The following LRRC4C variants were observed in gnomAD, a reference collection of about 807,000 sequenced individuals.
The protein encoded by LRRC4C is leucine rich repeat containing 4C, also known as leucine-rich repeat-containing protein 4C.
Under a neutral mutation model 33.6 loss-of-function variants are expected in LRRC4C, and 5 were observed. That is an observed-to-expected ratio of 0.15 (90% confidence interval 0.08 to 0.31). LRRC4C has a LOEUF of 0.31. Among genes scored for constraint, LRRC4C ranks in the 10% least tolerant of loss-of-function variants. The probability of loss-of-function intolerance (pLI) is 1.00; values close to 1 mark genes in which losing one functional copy is unlikely to be tolerated. For missense variants in LRRC4C, 560 were observed against 796.7 expected (o/e 0.70, Z 3.58); for synonymous variants, 329 against 302.0 (o/e 1.09, Z -0.93).
intron 1 of LRRC4C, among the ~76,000 whole-genome samples, chr11:41,368,451 A>G (rs1212640430): frequency 6.6e-6 from 1 of 152,242 alleles, no homozygotes; most frequent in Non-Finnish European, 1.5e-5. Context: ...TTACCAAGAG[A>G]CAAGAGATCA....
intron 2 of LRRC4C, among the ~76,000 whole-genome samples, chr11:40,674,227 G>C (rs1233427417): frequency 1.3e-5 from 2 of 150,766 alleles, no homozygotes; most frequent in African/African-American, 5.0e-5. Context: ...TGTGAGACTA[G>C]ACTAAATGTC....
chr11:41,443,089 ATTTTTT>A, intron 1 of LRRC4C, among the ~76,000 whole-genome samples: 16 of 105,996 alleles, frequency 1.5e-4, no homozygotes, highest in Non-Finnish European at 2.5e-4. Flanking sequence ...TGTTTGCTTC[ATTTTTT>A]TTTTTTTTTT....
chr11:40,951,963 T>C (rs1396101940), intron 1 of LRRC4C, among the ~76,000 whole-genome samples: 3 of 151,846 alleles, frequency 2.0e-5, no homozygotes. Context: ...TCTGTTCAAA[T>C]GGGTACAATA....
At chr11:41,169,742 A>G (rs1944887043) in intron 1 of LRRC4C, among the ~76,000 whole-genome samples, 2 of 152,174 alleles carry the variant, frequency 1.3e-5, no homozygotes. Flanking sequence ...CCAGATAGCA[A>G]CTGAAAAGTA....
intron 1 of LRRC4C, among the ~76,000 whole-genome samples, chr11:41,296,262 CCT>C (rs1318383093): frequency 1.3e-5 from 2 of 152,010 alleles, no homozygotes; most frequent in African/African-American, 4.8e-5. Context: ...GTTCTGAGTC[CCT>C]GTTTCTTTTA....
At chr11:41,089,470 A>C (rs1940241647) in intron 1 of LRRC4C, among the ~76,000 whole-genome samples, 1 of 152,130 alleles carries the variant, frequency 6.6e-6, no homozygotes, top group Non-Finnish European at 1.5e-5. Flanking sequence ...AAAATTCAGG[A>C]CATTAACTGA....
At chr11:40,469,213 G>A (rs563708221) in intron 3 of LRRC4C, among the ~76,000 whole-genome samples, 1 of 152,300 alleles carries the variant, frequency 6.6e-6, no homozygotes, top group East Asian at 1.9e-4. Context: ...TTAGACAGTG[G>A]GTGCAGCCCA....
intron 1 of LRRC4C, among the ~76,000 whole-genome samples, chr11:41,345,446 A>G (rs557160177): frequency 1.3e-5 from 2 of 152,342 alleles, no homozygotes; most frequent in African/African-American, 4.8e-5. Context: ...AACAAAATAG[A>G]AATCTTACCA....
chr11:40,516,933 C>T (rs932565057), intron 3 of LRRC4C, among the ~76,000 whole-genome samples: 3 of 152,106 alleles, frequency 2.0e-5, no homozygotes, highest in African/African-American at 2.4e-5. Context: ...CTGCACAGAG[C>T]ATTGTACAGA....
intron 2 of LRRC4C, among the ~76,000 whole-genome samples, chr11:40,852,972 T>C (rs1395609229): frequency 6.6e-6 from 1 of 152,228 alleles, no homozygotes; most frequent in African/African-American, 2.4e-5. Flanking sequence ...TGATCTAATA[T>C]ATCAAGCATA....
chr11:40,353,309 T>C (rs1236333901), intron 3 of LRRC4C, among the ~76,000 whole-genome samples: 1 of 152,156 alleles, frequency 6.6e-6, no homozygotes, highest in Non-Finnish European at 1.5e-5. Flanking sequence ...TATTTTTAAA[T>C]AGGTTGGCTT....
chr11:40,615,265 T>TATACACAC (rs1490740198), intron 3 of LRRC4C, among the ~76,000 whole-genome samples: 2 of 53,438 alleles, frequency 3.7e-5, no homozygotes, highest in African/African-American at 7.6e-5. Context: ...TATATATATA[T>TATACACAC]ACACACACAC....
chr11:41,304,496 G>T (rs1370258578), intron 1 of LRRC4C, among the ~76,000 whole-genome samples: 1 of 109,550 alleles, frequency 9.1e-6, no homozygotes, highest in Non-Finnish European at 2.0e-5. Flanking sequence ...CCCTCTGCCC[G>T]GCCAGCCGCC....
chr11:41,272,498 C>G (rs997877611), intron 1 of LRRC4C, among the ~76,000 whole-genome samples: 1 of 152,018 alleles, frequency 6.6e-6, no homozygotes, highest in African/African-American at 2.4e-5. Context: ...TGAACCACTA[C>G]AGAGAAGAAA....
At chr11:41,408,762 A>C (rs998932392) in intron 1 of LRRC4C, among the ~76,000 whole-genome samples, 1 of 151,888 alleles carries the variant, frequency 6.6e-6, no homozygotes, top group South Asian at 2.1e-4. Context: ...AAAAAAAAAA[A>C]AAAAACTGAG....
chr11:40,188,786 A>G (rs1413191159), intron 5 of LRRC4C, among the ~76,000 whole-genome samples: 2 of 151,444 alleles, frequency 1.3e-5, no homozygotes, highest in Non-Finnish European at 2.9e-5. Context: ...ATTCCTGGAA[A>G]GAGGCTTTAA....
intron 4 of LRRC4C, among the ~76,000 whole-genome samples, chr11:40,247,929 G>A (rs945227201): frequency 2.0e-5 from 3 of 152,266 alleles, no homozygotes; most frequent in South Asian, 2.1e-4. Flanking sequence ...ATGATGTTAT[G>A]TCTCTTCTCT....
chr11:41,030,346 C>T (rs1406124638), intron 1 of LRRC4C, among the ~76,000 whole-genome samples: 1 of 151,764 alleles, frequency 6.6e-6, no homozygotes, highest in Non-Finnish European at 1.5e-5. Flanking sequence ...TAATTCTGTG[C>T]AAGAAGCCTC....
In LRRC4C at chr11:40,648,238, T is replaced by C. The variant is rs535505308; in HGVS notation, c.-366A>G. 1 of 152,342 alleles carries C rather than the reference T, an allele frequency of 6.6e-6. No homozygotes were observed. The highest frequency in any genetic ancestry group is 1.5e-5 in the Non-Finnish European group (1 of 68,032). The allele number at this position is 152,342 out of a possible 1,614,324, so 9.4% of individuals were successfully genotyped here. On this transcript the variant is annotated 5_prime_UTR_variant, in exon 3 of 7. Coordinates refer to ENST00000528697, the MANE Select transcript of LRRC4C (RefSeq NM_001258419.2). ...AAAGTAGTCTCAGGATGTTTCCATA[T>C]TGTTAATCCGCATAAGTTATTCTTG...
Sources: allele counts gnomAD v4.1 joint callset (sites outside exome capture counted in the v4.1 genomes callset), GRCh38; gene constraint gnomAD v4.1.1; transcripts MANE v1.5; gene names NCBI Gene and HGNC (gene_info 2026-07-23, HGNC 2026-07-21).